SYT1: variants seen among roughly 807,000 people sequenced by gnomAD.
SYT1 encodes the protein synaptotagmin 1, also known as synaptotagmin-1.
In SYT1, 8 loss-of-function variants were observed where a neutral mutation model predicts 44.8. The ratio of observed to expected loss-of-function variants is 0.18; its 90% confidence interval spans 0.10 to 0.32. The LOEUF is 0.32. Among genes scored for constraint, SYT1 ranks in the 10% least tolerant of loss-of-function variants. SYT1 has a pLI of 1.00. For missense variants in SYT1, 286 were observed against 509.3 expected, an observed-to-expected ratio of 0.56 and a Z score of 4.22; for synonymous variants, 154 against 188.8, an observed-to-expected ratio of 0.82 and a Z score of 1.51.
chr12:79,044,236 C>G (rs1190966908), intron 2 of SYT1, among the ~76,000 whole-genome samples: 2 of 152,152 alleles, frequency 1.3e-5, no homozygotes, highest in African/African-American at 4.8e-5. Context: ...CAACTTGGTT[C>G]CATTCTCCCC....
intron 3 of SYT1, among the ~76,000 whole-genome samples, chr12:79,175,660 G>A (rs911076682): frequency 8.6e-5 from 13 of 152,022 alleles, no homozygotes; most frequent in Non-Finnish European, 1.6e-4. Flanking sequence ...GTTAGCTATT[G>A]TAATTATTTT....
intron 8 of SYT1, among the ~76,000 whole-genome samples, chr12:79,311,896 A>G (rs1199704132): frequency 7.0e-6 from 1 of 142,712 alleles, no homozygotes; most frequent in Non-Finnish European, 1.5e-5. Context: ...GAGGGATAGC[A>G]TTAGGAGATA....
chr12:78,939,893 C>T (rs535281958), intron 1 of SYT1, among the ~76,000 whole-genome samples: 24 of 152,292 alleles, frequency 1.6e-4, no homozygotes, highest in Non-Finnish European at 4.4e-5. Flanking sequence ...GCTAGCTTGT[C>T]TTCTCATTTT....
intron 8 of SYT1, among the ~76,000 whole-genome samples, chr12:79,316,079 A>G (rs1414018378): frequency 1.3e-5 from 2 of 152,212 alleles, no homozygotes; most frequent in Non-Finnish European, 2.9e-5. Flanking sequence ...GTACAGTTCA[A>G]TGAGTCTTGA....
intron 2 of SYT1, among the ~76,000 whole-genome samples, chr12:79,018,099 G>A (rs985516450): frequency 4.0e-5 from 6 of 151,730 alleles, no homozygotes; most frequent in Non-Finnish European, 4.4e-5. Flanking sequence ...CAACCCAAAT[G>A]TCCAACAATG....
intron 1 of SYT1, among the ~76,000 whole-genome samples, chr12:78,966,236 CATTT>C (rs1226484720): frequency 7.9e-5 from 12 of 152,004 alleles, no homozygotes; most frequent in Non-Finnish European, 1.2e-4. Context: ...TATTTGTAAT[CATTT>C]ATTTGTTTAT....
At chr12:79,439,086 T>G (rs998356297) in intron 9 of SYT1, among the ~76,000 whole-genome samples, 4 of 152,170 alleles carry the variant, frequency 2.6e-5, no homozygotes, top group African/African-American at 9.7e-5. Context: ...TTTTCTCTAA[T>G]TCCTCATTTT....
chr12:79,005,820 C>T (rs1056581743), intron 2 of SYT1, among the ~76,000 whole-genome samples: 13 of 152,052 alleles, frequency 8.5e-5, no homozygotes, highest in Non-Finnish European at 1.6e-4. Flanking sequence ...GAACTGGTCC[C>T]ATTGAAGGTA....
intron 9 of SYT1, among the ~76,000 whole-genome samples, chr12:79,426,061 C>A (rs1869427352): frequency 6.6e-6 from 1 of 151,600 alleles, no homozygotes; most frequent in South Asian, 2.1e-4. Flanking sequence ...GAATCATATT[C>A]ACATCCAGCA....
intron 4 of SYT1, among the ~76,000 whole-genome samples, chr12:79,264,726 T>C (rs1878032012): frequency 6.6e-6 from 1 of 152,220 alleles, no homozygotes. Flanking sequence ...TGCATATTGT[T>C]TATTTCCATT....
chr12:79,364,865 C>T (rs1186519572), intron 9 of SYT1, among the ~76,000 whole-genome samples: 1 of 152,126 alleles, frequency 6.6e-6, no homozygotes, highest in Non-Finnish European at 1.5e-5. Context: ...TGCAAGATTA[C>T]TCAGTAATCT....
chr12:79,026,681 AT>A (rs981007247), intron 2 of SYT1, among the ~76,000 whole-genome samples: 7 of 136,170 alleles, frequency 5.1e-5, no homozygotes, highest in African/African-American at 1.9e-4. Context: ...ATATATATAT[AT>A]ATATATATAT....
At chr12:79,298,956 T>C (rs1879999691) in intron 7 of SYT1, among the ~76,000 whole-genome samples, 1 of 152,124 alleles carries the variant, frequency 6.6e-6, no homozygotes, top group Non-Finnish European at 1.5e-5. Flanking sequence ...AAAGAGTTAA[T>C]GGAGCATTTG....
In SYT1 at chr12:79,141,557, A is replaced by G. The variant is rs368324181; in HGVS notation, c.-17-75946A>G. 3.9e-5 allele frequency among the ~76,000 whole-genome samples: 6 copies of G among 152,274 alleles called. No homozygotes were observed. In the South Asian group the frequency reaches 1.2e-3, roughly 32 times the overall value. On this transcript the variant is annotated intron_variant, in intron 3 of 10. Transcript: ENST00000261205. ...TTATAATTAAATTATTTTGAATTTC[A>G]TAGTCCAAACAAGTAAAACTAATGT...
At chr12:79,315,523 A>C (rs1053975364) in intron 8 of SYT1, among the ~76,000 whole-genome samples, 1 of 152,202 alleles carries the variant, frequency 6.6e-6, no homozygotes, top group African/African-American at 2.4e-5. Flanking sequence ...TTTAAAAAAA[A>C]GTTTCAGGGA....
At chr12:79,023,635 G>A (rs1872333017) in intron 2 of SYT1, among the ~76,000 whole-genome samples, 1 of 151,706 alleles carries the variant, frequency 6.6e-6, no homozygotes, top group African/African-American at 2.4e-5. Flanking sequence ...ATATATAACT[G>A]ACAATAATAC....
chr12:79,335,152 A>G (rs181630059), intron 8 of SYT1, among the ~76,000 whole-genome samples: 9 of 152,248 alleles, frequency 5.9e-5, no homozygotes, highest in Admixed American at 2.0e-4. Context: ...CCAACACGGC[A>G]AGCAGTGCTT....
At position 79,398,603 on chromosome 12, in the gene SYT1, TTA is replaced by T. The variant is rs1884959257; in HGVS notation, c.928+44987_928+44988del. ...ACTCTAGAAGTCAAGAATAAGGTCC[TTA>T]TACTTTAGACTTTAAAATGCATTTA... On this transcript the variant is annotated intron_variant, in intron 9 of 10. Transcript: ENST00000261205. Among the ~76,000 whole-genome samples the T allele has an allele frequency of 2.0e-5, 3 of 152,194 alleles. No homozygotes were observed. In the South Asian group the frequency reaches 6.2e-4, roughly 32 times the overall value.
intron 3 of SYT1, among the ~76,000 whole-genome samples, chr12:79,143,437 AG>A (rs1869687958): frequency 6.6e-6 from 1 of 152,200 alleles, no homozygotes; most frequent in Admixed American, 6.5e-5. Context: ...TTGGCATAGA[AG>A]AAAAAAAGAT....
Sources: allele counts gnomAD v4.1 joint callset (sites outside exome capture counted in the v4.1 genomes callset), GRCh38; gene constraint gnomAD v4.1.1; transcripts MANE v1.5; gene names NCBI Gene and HGNC (gene_info 2026-07-23, HGNC 2026-07-21).